The following ZNF782 variants were observed in gnomAD, a reference collection of about 807,000 sequenced individuals.
ZNF782 encodes the protein zinc finger protein 782.
Under a neutral mutation model 13.0 loss-of-function variants are expected in ZNF782, and 12 were observed. That is an observed-to-expected ratio of 0.92 (90% confidence interval 0.59 to 1.50). The LOEUF is 1.50. Ranked by LOEUF, ZNF782 falls within the 40% of genes most tolerant of loss-of-function variation. ZNF782 has a pLI of 0.00. For missense variants in ZNF782, 770 were observed against 822.9 expected, an observed-to-expected ratio of 0.94 and a Z score of 0.79; for synonymous variants, 284 against 283.0, an observed-to-expected ratio of 1.00 and a Z score of -0.04.
intron 1 of ZNF782, among the ~76,000 whole-genome samples, chr9:96,865,629 C>T (rs186561130): frequency 8.5e-5 from 13 of 152,182 alleles, no homozygotes; most frequent in Admixed American, 4.6e-4. Flanking sequence ...AAAAGAAACC[C>T]GAAAATATGG....
At chr9:96,929,179 G>A in the ZNF782 span, 172 of 1,387,848 alleles carry the variant, frequency 1.2e-4, no homozygotes, top group Middle Eastern at 1.9e-4. Context: ...CATCACACCT[G>A]GGGATGGCCA....
chr9:96,825,071 G>A (rs1179301500), intron 5 of ZNF782, among the ~76,000 whole-genome samples: 1 of 151,216 alleles, frequency 6.6e-6, no homozygotes, highest in East Asian at 1.9e-4. Flanking sequence ...AGTTCATATG[G>A]AACCAAAAAA....
chr9:96,879,907 T>A (rs937151121), upstream of ZNF782, among the ~76,000 whole-genome samples: 16 of 152,226 alleles, frequency 1.1e-4, no homozygotes, highest in Non-Finnish European at 1.9e-4. Flanking sequence ...GGATTTTCTG[T>A]GTAGACAAAC....
At chr9:96,824,909 TACAA>T (rs1437739521) in intron 5 of ZNF782, among the ~76,000 whole-genome samples, 1 of 150,880 alleles carries the variant, frequency 6.6e-6, no homozygotes, top group African/African-American at 2.4e-5. Context: ...TAAAAGAGGA[TACAA>T]ACAAATGGAA....
At chr9:96,819,860 T>C in intron 5 of ZNF782, 82 bp from the exon 6 acceptor site, 2 of 1,080,640 alleles carry the variant, frequency 1.9e-6, no homozygotes, top group Non-Finnish European at 2.5e-6. Flanking sequence ...ATATATGCCC[T>C]ATTATGTATT....
chr9:96,872,521 ACT>A (rs1440451196), intron 1 of ZNF782, among the ~76,000 whole-genome samples: 41 of 131,850 alleles, frequency 3.1e-4, no homozygotes. Context: ...ACAGAGTGAG[ACT>A]CTGTCTCAAA....
At chr9:96,929,989 A>G in the ZNF782 span, among the ~76,000 whole-genome samples, 400 of 150,968 alleles carry the variant, frequency 2.6e-3, no homozygotes, top group Non-Finnish European at 4.2e-3. Flanking sequence ...TTATTATTCA[A>G]ACTAGGATGT....
At chr9:96,864,380 T>C (rs1437368161) in intron 1 of ZNF782, among the ~76,000 whole-genome samples, 1 of 152,076 alleles carries the variant, frequency 6.6e-6, no homozygotes, top group East Asian at 1.9e-4. Flanking sequence ...AGTGCATATA[T>C]TCCTATAGTA....
At chr9:96,816,257 T>G (rs532898431), downstream of ZNF782, among the ~76,000 whole-genome samples, 10 of 152,312 alleles carry the variant, frequency 6.6e-5, no homozygotes, top group South Asian at 2.1e-3. Flanking sequence ...AAAGGGAATG[T>G]GGTATCAGAT....
the ZNF782 span, among the ~76,000 whole-genome samples, chr9:96,906,205 A>C: frequency 6.6e-6 from 1 of 152,116 alleles, no homozygotes; most frequent in Non-Finnish European, 1.5e-5. Context: ...ATAATAACCA[A>C]ACTTGATTTA....
intron 2 of ZNF782, among the ~76,000 whole-genome samples, chr9:96,860,907 A>G (rs7850801): frequency 0.088 from 13,369 of 152,228 alleles, 1,503 homozygotes; most frequent in African/African-American, 0.26. Context: ...ATGAAACTAG[A>G]CCTCTATTTC....
chr9:96,851,279 G>C (rs1449222760), intron 3 of ZNF782, among the ~76,000 whole-genome samples: 1 of 152,024 alleles, frequency 6.6e-6, no homozygotes, highest in Non-Finnish European at 1.5e-5. Flanking sequence ...TCCAGTATAA[G>C]CTTATAAGAA....
the ZNF782 span, among the ~76,000 whole-genome samples, chr9:96,899,051 T>C: frequency 4.0e-5 from 6 of 149,166 alleles, no homozygotes; most frequent in Non-Finnish European, 8.8e-5. Flanking sequence ...ACCATTCTAC[T>C]TTCTGTCTGC....
intron 4 of ZNF782, among the ~76,000 whole-genome samples, chr9:96,828,878 T>C (rs1338756744): frequency 2.0e-5 from 3 of 152,068 alleles, no homozygotes; most frequent in Non-Finnish European, 2.9e-5. Flanking sequence ...ATGTACATTA[T>C]AATCAAATTG....
the ZNF782 span, among the ~76,000 whole-genome samples, chr9:96,905,821 T>C: frequency 6.6e-6 from 1 of 152,360 alleles, no homozygotes; most frequent in East Asian, 1.9e-4. Flanking sequence ...CCTGACCTCA[T>C]GATCCACCCG....
the ZNF782 span, chr9:96,893,944 G>A: frequency 7.2e-6 from 1 of 138,782 alleles, no homozygotes; most frequent in African/African-American, 3.3e-5. Flanking sequence ...AGCTTGCAGT[G>A]AGCGGAGATC....
At chr9:96,932,591 A>G in the ZNF782 span, among the ~76,000 whole-genome samples, 3 of 152,026 alleles carry the variant, frequency 2.0e-5, no homozygotes, top group Non-Finnish European at 2.9e-5. Flanking sequence ...GGCTCAGGAC[A>G]GACTGTCAGG....
At chr9:96,843,611 C>CT (rs1349677026) in intron 4 of ZNF782, among the ~76,000 whole-genome samples, 1 of 152,124 alleles carries the variant, frequency 6.6e-6, no homozygotes, top group Non-Finnish European at 1.5e-5. Context: ...GTGGTGGTTA[C>CT]ATCAATCTCC....
At position 96,836,585 on chromosome 9, in the gene ZNF782, T is replaced by C. The variant is rs139149107; in HGVS notation, c.142+8305A>G. Among the ~76,000 whole-genome samples the C allele has an allele frequency of 2.3e-3, 351 of 152,304 alleles. 3 individuals are homozygous for C. Among genetic ancestry groups the C allele is most frequent in the African/African-American group, 8.0e-3 (331 of 41,560 alleles). On this transcript the variant is annotated intron_variant, in intron 4 of 5. Transcript: ENST00000481138. ...TAGAAAAACTTAAGGCTTTTGGGAC[T>C]AGTGGGATGGAATATTATATTTTGT...
Sources: gnomAD v4.1 joint callset for allele counts (sites outside exome capture counted in the v4.1 genomes callset) on GRCh38, gnomAD v4.1.1 for gene constraint, MANE v1.5 for transcripts, NCBI Gene and HGNC (gene_info 2026-07-23, HGNC 2026-07-21) for gene names.